DIAPH2: variants seen among roughly 807,000 people sequenced by gnomAD.
The protein encoded by DIAPH2 is protein diaphanous homolog 2.
In DIAPH2, 35 loss-of-function variants were observed where a neutral mutation model predicts 92.7. The ratio of observed to expected loss-of-function variants is 0.38; its 90% CI spans 0.29 to 0.50. The LOEUF (loss-of-function observed/expected upper bound fraction) is 0.50. Ranked by LOEUF, DIAPH2 falls within the 20% of genes least tolerant of loss-of-function variation. The pLI, the probability that DIAPH2 is intolerant of heterozygous loss-of-function variation, is 0.94. For synonymous variants in DIAPH2, 301 were observed against 280.4 expected (o/e 1.07, Z -0.73); for missense variants, 701 against 819.5 (o/e 0.86, Z 1.77).
chrX:96,717,816 G>GTATATATATATATATA (rs61272505), intron 1 of DIAPH2, among the ~76,000 whole-genome samples: 1 of 36,356 alleles, frequency 2.8e-5, no homozygotes, highest in Non-Finnish European at 5.4e-5. Context: ...TGGGTATATA[G>GTATATATATATATATA]TATATATATA....
rs750973802 is a variant in DIAPH2, at chrX:97,294,729, A to T, written c.2844+46890A>T. The stretch of plus-strand genomic sequence containing the variant: ...TCTCTTAAACATATGTAGGTCATAA[A>T]ATTGAATTGTAAAATTGCGAGTAAT... On this transcript the variant is annotated intron_variant, in intron 23 of 26. Transcript: ENST00000324765. Among the ~76,000 whole-genome samples the T allele has an allele frequency of 3.6e-5, 4 of 112,044 alleles. No individual in the cohort carries two copies. The East Asian group carries it at 1.1e-3, about 31-fold the overall frequency.
intron 24 of DIAPH2, among the ~76,000 whole-genome samples, chrX:97,367,111 A>C (rs1253336395): frequency 8.9e-6 from 1 of 111,810 alleles, no homozygotes; most frequent in Non-Finnish European, 1.9e-5. Context: ...TAATGGAAAA[A>C]AATCCCTTTA....
intron 17 of DIAPH2, among the ~76,000 whole-genome samples, chrX:96,995,680 A>T (rs2066100136): frequency 9.0e-6 from 1 of 111,484 alleles, no homozygotes; most frequent in African/African-American, 3.3e-5. Flanking sequence ...CTCTCTAAAG[A>T]TTAATTATTT....
chrX:96,704,440 T>A (rs1602439011), intron 1 of DIAPH2, among the ~76,000 whole-genome samples: 1 of 112,010 alleles, frequency 8.9e-6, no homozygotes, highest in Non-Finnish European at 1.9e-5. Context: ...GCTACTGATG[T>A]TGCCTTGGGA....
At chrX:96,697,000 A>G (rs2063828867) in intron 1 of DIAPH2, among the ~76,000 whole-genome samples, 1 of 111,209 alleles carries the variant, frequency 9.0e-6, no homozygotes, top group Admixed American at 9.6e-5. Context: ...ATGGCCACAA[A>G]CGGAGTCAGT....
chrX:97,596,902 A>G lies in DIAPH2; in HGVS notation c.3242-2351A>G, dbSNP rs1389789705. Among the ~76,000 whole-genome samples, 3 of 112,421 alleles carry G rather than the reference A, an allele frequency of 2.7e-5. No homozygotes were observed. The Admixed American group carries it at 2.8e-4, about 11-fold the overall frequency. On this transcript the variant is annotated intron_variant, in intron 26 of 26. Coordinates refer to ENST00000324765, the MANE Select transcript of DIAPH2 (RefSeq NM_006729.5). The stretch of plus-strand genomic sequence containing the variant: ...CTAGAATGTGAAGATAAATGAAATC[A>G]AATTTACACACACACACAAACATGC...
intron 1 of DIAPH2, among the ~76,000 whole-genome samples, chrX:96,715,826 T>C (rs2063946311): frequency 9.0e-6 from 1 of 111,415 alleles, no homozygotes; most frequent in Admixed American, 9.6e-5. Context: ...AGCAGTCTTA[T>C]CATAGAAATA....
At chrX:96,834,397 C>G (rs1454318111) in intron 4 of DIAPH2, among the ~76,000 whole-genome samples, 1 of 111,673 alleles carries the variant, frequency 9.0e-6, no homozygotes, top group East Asian at 2.8e-4. Context: ...AGGTAGCATT[C>G]CTGCCAAACA....
At chrX:97,149,498 G>A (rs1259259191) in intron 22 of DIAPH2, among the ~76,000 whole-genome samples, 1 of 110,087 alleles carries the variant, frequency 9.1e-6, no homozygotes, top group Non-Finnish European at 1.9e-5. Flanking sequence ...TTGGGAGGCC[G>A]AGATGGGCGG....
chrX:96,979,838 C>T (rs1039989364), intron 17 of DIAPH2, among the ~76,000 whole-genome samples: 8 of 111,731 alleles, frequency 7.2e-5, no homozygotes, highest in Admixed American at 1.9e-4. Flanking sequence ...CCTTCACTGG[C>T]GGAAACTGGA....
chrX:97,223,053 TC>T (rs1183521893), intron 22 of DIAPH2, among the ~76,000 whole-genome samples: 2 of 111,112 alleles, frequency 1.8e-5, no homozygotes, highest in East Asian at 5.6e-4. Flanking sequence ...GGTCTCAAAC[TC>T]CTTGGCTCAA....
At chrX:97,313,288 A>C (rs2068812690) in intron 23 of DIAPH2, among the ~76,000 whole-genome samples, 1 of 112,181 alleles carries the variant, frequency 8.9e-6, no homozygotes, top group Admixed American at 9.5e-5. Flanking sequence ...AGATCCATCC[A>C]CATTGCTGGC....
At chrX:97,087,894 C>T (rs372606048) in intron 19 of DIAPH2, among the ~76,000 whole-genome samples, 8 of 110,550 alleles carry the variant, frequency 7.2e-5, no homozygotes, top group Admixed American at 4.8e-4. Context: ...CATCCCCTCT[C>T]TCTTCTTTGA....
At chrX:96,979,001 T>A (rs1246765500) in intron 17 of DIAPH2, among the ~76,000 whole-genome samples, 1 of 111,751 alleles carries the variant, frequency 8.9e-6, no homozygotes, top group African/African-American at 3.3e-5. Flanking sequence ...GGGCAGCTCA[T>A]AAAAGTCCAT....
intron 1 of DIAPH2, among the ~76,000 whole-genome samples, chrX:96,695,421 C>T: frequency 8.9e-6 from 1 of 112,555 alleles, no homozygotes; most frequent in Admixed American, 9.4e-5. Flanking sequence ...ACAGCCTATA[C>T]TTGCTTCATC....
At chrX:97,233,535 A>T (rs2068024467) in intron 22 of DIAPH2, among the ~76,000 whole-genome samples, 1 of 112,147 alleles carries the variant, frequency 8.9e-6, no homozygotes, top group Admixed American at 9.5e-5. Flanking sequence ...ATCATTTTAA[A>T]GCCCATGGTA....
At chrX:97,323,442 T>G (rs1303914118) in intron 23 of DIAPH2, among the ~76,000 whole-genome samples, 1 of 100,935 alleles carries the variant, frequency 9.9e-6, no homozygotes, top group Non-Finnish European at 2.0e-5. Flanking sequence ...ATACAAAAAA[T>G]TAGCCGGGCG....
chrX:97,071,363 A>G (rs1249633514), intron 17 of DIAPH2, among the ~76,000 whole-genome samples: 1 of 111,780 alleles, frequency 8.9e-6, no homozygotes, highest in Non-Finnish European at 1.9e-5. Flanking sequence ...AAATATCAAC[A>G]TAAAATATAT....
At chrX:97,317,778 T>C (rs1481189244) in intron 23 of DIAPH2, among the ~76,000 whole-genome samples, 1 of 112,239 alleles carries the variant, frequency 8.9e-6, no homozygotes, top group Admixed American at 9.5e-5. Flanking sequence ...TAGGAGCCAG[T>C]GTATCCTGAC....
Sources: allele counts gnomAD v4.1 joint callset (sites outside exome capture counted in the v4.1 genomes callset), GRCh38; gene constraint gnomAD v4.1.1; transcripts MANE v1.5; gene names NCBI Gene and HGNC (gene_info 2026-07-23, HGNC 2026-07-21).